The following SDK1 variants were observed in gnomAD, a reference collection of about 807,000 sequenced individuals.
The protein encoded by SDK1 is protein sidekick-1.
A neutral mutation model predicts 245.5 loss-of-function variants in SDK1; 157 were observed. The observed-to-expected ratio is 0.64, with a 90% confidence interval of 0.56 to 0.73. The LOEUF (loss-of-function observed/expected upper bound fraction) is 0.73. SDK1 is among the 30% of genes least tolerant of loss of function. The pLI is 0.00. For synonymous variants in SDK1, 1,647 were observed against 1,278.5 expected (o/e 1.29, Z -6.15); for missense variants, 3,583 against 3,002.3 (o/e 1.19, Z -4.52).
chr7:3,467,253 A>T (rs1781036396), intron 1 of SDK1, among the ~76,000 whole-genome samples: 2 of 152,120 alleles, frequency 1.3e-5, no homozygotes, highest in Admixed American at 1.3e-4. Context: ...TTAAAAGCAC[A>T]GTGAAATTTG....
At chr7:3,991,572 C>T (rs930463625) in intron 14 of SDK1, among the ~76,000 whole-genome samples, 1 of 152,138 alleles carries the variant, frequency 6.6e-6, no homozygotes, top group Non-Finnish European at 1.5e-5. Flanking sequence ...CTGTAGGTGT[C>T]CAGCTGCTTA....
chr7:3,483,402 CTGT>C (rs1781578394), intron 1 of SDK1, among the ~76,000 whole-genome samples: 1 of 152,086 alleles, frequency 6.6e-6, no homozygotes, highest in South Asian at 2.1e-4. Flanking sequence ...TGTAAGAAGG[CTGT>C]TGAGTTTTGT....
At chr7:4,148,838 A>T (rs901049743) in intron 29 of SDK1, among the ~76,000 whole-genome samples, 27 of 152,334 alleles carry the variant, frequency 1.8e-4, no homozygotes, top group African/African-American at 6.5e-4. Flanking sequence ...CAGGCGGATC[A>T]CGAGGTCAAG....
intron 27 of SDK1, among the ~76,000 whole-genome samples, chr7:4,131,491 T>C (rs574028204): frequency 1.3e-5 from 2 of 152,342 alleles, no homozygotes; most frequent in African/African-American, 4.8e-5. Context: ...CCCAGCTTCA[T>C]AGCCAGGGAC....
intron 1 of SDK1, among the ~76,000 whole-genome samples, chr7:3,525,604 C>T (rs770002288): frequency 6.6e-6 from 1 of 151,978 alleles, no homozygotes; most frequent in Non-Finnish European, 1.5e-5. Context: ...AGCATTAGGT[C>T]GGGTTAATTC....
chr7:3,406,502 ATCT>A (rs1779059295), intron 1 of SDK1, among the ~76,000 whole-genome samples: 1 of 152,086 alleles, frequency 6.6e-6, no homozygotes, highest in Admixed American at 6.6e-5. Flanking sequence ...CCTTGTTTAA[ATCT>A]TCTCTCTCTC....
intron 19 of SDK1, among the ~76,000 whole-genome samples, chr7:4,055,747 G>A (rs1246803812): frequency 1.3e-5 from 2 of 151,904 alleles, no homozygotes; most frequent in Non-Finnish European, 2.9e-5. Flanking sequence ...ACCTTTCCTT[G>A]TTTCCAGTGT....
chr7:4,193,269 TTACATATAAAA>T (rs1783332983), intron 35 of SDK1, among the ~76,000 whole-genome samples: 1 of 133,890 alleles, frequency 7.5e-6, no homozygotes, highest in African/African-American at 2.9e-5. Context: ...ATTGTATTAA[TTACATATAAAA>T]TACATATAAA....
intron 22 of SDK1, among the ~76,000 whole-genome samples, chr7:4,083,253 C>G (rs1321103650): frequency 1.3e-5 from 2 of 152,132 alleles, no homozygotes; most frequent in South Asian, 4.1e-4. Context: ...GCAGCCCCCA[C>G]TATCCCTCCC....
At chr7:3,682,990 T>C (rs1784157561) in intron 4 of SDK1, among the ~76,000 whole-genome samples, 1 of 152,150 alleles carries the variant, frequency 6.6e-6, no homozygotes, top group Non-Finnish European at 1.5e-5. Flanking sequence ...TGTCTCAGCC[T>C]CCCAAAGTGT....
At chr7:3,543,756 G>A (rs893202607) in intron 1 of SDK1, among the ~76,000 whole-genome samples, 1 of 152,190 alleles carries the variant, frequency 6.6e-6, no homozygotes, top group African/African-American at 2.4e-5. Flanking sequence ...AAATTCTATT[G>A]ATGTTCGTAT....
At chr7:3,697,292 C>G (rs1784602607) in intron 4 of SDK1, among the ~76,000 whole-genome samples, 2 of 152,192 alleles carry the variant, frequency 1.3e-5, no homozygotes, top group South Asian at 4.2e-4. Flanking sequence ...GTGCTAATTA[C>G]TCATCCCTTT....
intron 41 of SDK1, among the ~76,000 whole-genome samples, chr7:4,236,607 G>C (rs931769787): frequency 4.6e-5 from 7 of 152,020 alleles, no homozygotes; most frequent in African/African-American, 1.7e-4. Flanking sequence ...GGCAGGTCCT[G>C]GGGTGCTTCG....
At chr7:4,050,237 A>G (rs1461374451) in intron 18 of SDK1, among the ~76,000 whole-genome samples, 4 of 152,230 alleles carry the variant, frequency 2.6e-5, no homozygotes, top group Non-Finnish European at 5.9e-5. Context: ...TTCCTCAGAC[A>G]CAAGGTTCAG....
At chr7:4,073,900 A>G (rs938565152) in intron 20 of SDK1, among the ~76,000 whole-genome samples, 1 of 152,210 alleles carries the variant, frequency 6.6e-6, no homozygotes. Context: ...CACGGCCACA[A>G]CAAGCGATTT....
chr7:3,590,755 T>A (rs1411252122), intron 1 of SDK1, among the ~76,000 whole-genome samples: 5 of 151,506 alleles, frequency 3.3e-5, no homozygotes. Context: ...TTAATGGGTC[T>A]GCAGTGAGGG....
At chr7:4,033,417 C>T (rs1226271687) in intron 17 of SDK1, among the ~76,000 whole-genome samples, 5 of 152,082 alleles carry the variant, frequency 3.3e-5, no homozygotes, top group Non-Finnish European at 5.9e-5. Context: ...ACTTGTCTAA[C>T]AATGACTCAA....
chr7:4,030,600 GCTTTT>G (rs1787732196), intron 17 of SDK1, among the ~76,000 whole-genome samples: 1 of 152,210 alleles, frequency 6.6e-6, no homozygotes, highest in South Asian at 2.1e-4. Flanking sequence ...TCATCAACGG[GCTTTT>G]CATACGCGCC....
chr7:4,146,444 C>T (rs937644966), intron 29 of SDK1, among the ~76,000 whole-genome samples: 3 of 151,090 alleles, frequency 2.0e-5, no homozygotes, highest in African/African-American at 7.3e-5. Flanking sequence ...GACATGTGAG[C>T]ATTGCATAAC....
Sources: gnomAD v4.1 joint callset for allele counts (sites outside exome capture counted in the v4.1 genomes callset) on GRCh38, gnomAD v4.1.1 for gene constraint, MANE v1.5 for transcripts, NCBI Gene and HGNC (gene_info 2026-07-23, HGNC 2026-07-21) for gene names.